Variants in MELK observed in about 807,000 individuals in gnomAD.
MELK encodes the protein maternal embryonic leucine zipper kinase, also known as pEg3 kinase.
Under a neutral mutation model 85.0 loss-of-function variants are expected in MELK, and 81 were observed. The ratio of observed to expected loss-of-function variants is 0.95; its 90% CI spans 0.80 to 1.15. The LOEUF is 1.15. MELK is among the 50% of genes most tolerant of loss of function. MELK has a pLI of 0.00. For missense variants in MELK, 754 were observed against 777.5 expected (o/e 0.97, Z 0.36); for synonymous variants, 252 against 265.0 (o/e 0.95, Z 0.48).
At chr9:36,626,107 T>A (rs1267998136) in intron 8 of MELK, among the ~76,000 whole-genome samples, 2 of 152,090 alleles carry the variant, frequency 1.3e-5, no homozygotes, top group African/African-American at 4.8e-5. Context: ...GTCCCAGCAC[T>A]GACTGAGTGG....
chr9:36,615,197 G>T (rs1826508763), intron 8 of MELK, among the ~76,000 whole-genome samples: 6 of 145,120 alleles, frequency 4.1e-5, no homozygotes, highest in African/African-American at 1.6e-4. Flanking sequence ...CGGGCGGGGG[G>T]CTGACCCCCC....
intron 10 of MELK, among the ~76,000 whole-genome samples, chr9:36,640,073 C>G (rs950690044): frequency 2.0e-5 from 3 of 152,268 alleles, no homozygotes; most frequent in South Asian, 2.1e-4. Context: ...TTTAACAGTA[C>G]CACTAGTATA....
At chr9:36,579,492 C>A (rs1488032494) in intron 1 of MELK, among the ~76,000 whole-genome samples, 1 of 152,234 alleles carries the variant, frequency 6.6e-6, no homozygotes, top group Non-Finnish European at 1.5e-5. Flanking sequence ...TTGTTGTCTA[C>A]TTATTTGCCT....
At chr9:36,672,133 G>A (rs1832945315) in intron 16 of MELK, among the ~76,000 whole-genome samples, 1 of 152,302 alleles carries the variant, frequency 6.6e-6, no homozygotes, top group South Asian at 2.1e-4. Context: ...TTTTAGAGGA[G>A]AATGTTCTGT....
chr9:36,661,539 A>G (rs1347966291), intron 13 of MELK, among the ~76,000 whole-genome samples: 2 of 152,248 alleles, frequency 1.3e-5, no homozygotes, highest in Admixed American at 1.3e-4. Context: ...TAAAAGAACT[A>G]TTATAAAATT....
At position 36,657,357 on chromosome 9, in the gene MELK, A is replaced by G; in HGVS notation, c.1170A>G (p.Thr390=). 6.2e-7 allele frequency: 1 copy of G among 1,605,408 alleles called. No individual in the cohort carries two copies. Among genetic ancestry groups the G allele is most frequent in the Non-Finnish European group, 8.5e-7 (1 of 1,177,618 alleles). Reference sequence around the variant, plus strand: ...CAACAGGTGCTGCTACTCCCCGAACATCACAGGTTCGTCATTCTTATTACT... The same window carrying G: ...CAACAGGTGCTGCTACTCCCCGAACGTCACAGGTTCGTCATTCTTATTACT... ...DLSTGAATPR[T]SQFTKYWTES... The change falls in exon 13 of 18, where the codon ACA becomes ACG. Residue 390 remains threonine (T), a synonymous_variant. Transcript: ENST00000298048.
At chr9:36,661,840 G>A (rs915224235) in intron 13 of MELK, among the ~76,000 whole-genome samples, 6 of 151,770 alleles carry the variant, frequency 4.0e-5, no homozygotes, top group African/African-American at 1.5e-4. Flanking sequence ...GGGAGGCTGA[G>A]GCAGGAGAAT....
intron 6 of MELK, among the ~76,000 whole-genome samples, chr9:36,597,787 T>C (rs1824460182): frequency 6.6e-6 from 1 of 152,248 alleles, no homozygotes; most frequent in Admixed American, 6.5e-5. Flanking sequence ...ATAACTGTTA[T>C]ATATTTCCTT....
intron 13 of MELK, among the ~76,000 whole-genome samples, chr9:36,659,202 G>T (rs1831554935): frequency 6.6e-6 from 1 of 151,862 alleles, no homozygotes; most frequent in Admixed American, 6.6e-5. Context: ...TTTTTGTAAA[G>T]ATGGGGTTTC....
intron 8 of MELK, among the ~76,000 whole-genome samples, chr9:36,627,041 A>G (rs1827998356): frequency 7.6e-6 from 1 of 132,068 alleles, no homozygotes; most frequent in South Asian, 2.5e-4. Context: ...GACAAGGACA[A>G]GCACAAGCGC....
At chr9:36,624,074 A>G (rs1827696670) in intron 8 of MELK, among the ~76,000 whole-genome samples, 1 of 148,630 alleles carries the variant, frequency 6.7e-6, no homozygotes, top group Admixed American at 6.7e-5. Flanking sequence ...AGGTATCGTT[A>G]TTATACTTCT....
intron 1 of MELK, among the ~76,000 whole-genome samples, chr9:36,580,596 G>A (rs1007637757): frequency 1.3e-5 from 2 of 151,878 alleles, no homozygotes; most frequent in African/African-American, 4.8e-5. Flanking sequence ...GGGATTACAG[G>A]TGTGAGCCAC....
intron 13 of MELK, among the ~76,000 whole-genome samples, chr9:36,661,861 C>T (rs948149758): frequency 5.3e-5 from 8 of 150,196 alleles, no homozygotes; most frequent in Admixed American, 1.3e-4. Flanking sequence ...GGCATGAACC[C>T]GGGAGGCGGA....
At chr9:36,598,035 T>C (rs1244988879) in intron 6 of MELK, among the ~76,000 whole-genome samples, 2 of 152,372 alleles carry the variant, frequency 1.3e-5, no homozygotes, top group Admixed American at 6.5e-5. Context: ...AACTGTTTCC[T>C]GCCCTGATCA....
chr9:36,640,347 C>G (rs983788234), intron 10 of MELK, among the ~76,000 whole-genome samples: 8 of 152,206 alleles, frequency 5.3e-5, no homozygotes, highest in Admixed American at 2.0e-4. Context: ...GGCCCACTTT[C>G]TGGTTCATAG....
At chr9:36,580,776 T>A (rs914062004) in intron 1 of MELK, among the ~76,000 whole-genome samples, 6 of 151,378 alleles carry the variant, frequency 4.0e-5, no homozygotes, top group Admixed American at 4.0e-4. Flanking sequence ...TCGCCCAGGC[T>A]AGAGTGCAAT....
At chr9:36,616,180 C>T (rs565711571) in intron 8 of MELK, among the ~76,000 whole-genome samples, 1 of 152,198 alleles carries the variant, frequency 6.6e-6, no homozygotes, top group South Asian at 2.1e-4. Context: ...TTTGTATATA[C>T]AGTAAAATTG....
At chr9:36,620,725 A>AT (rs1431855163) in intron 8 of MELK, among the ~76,000 whole-genome samples, 5 of 151,182 alleles carry the variant, frequency 3.3e-5, no homozygotes, top group Admixed American at 3.3e-4. Flanking sequence ...TAATTTTTGT[A>AT]TTTTTAGTAG....
chr9:36,583,568 A>G, intron 2 of MELK, 59 bp from the exon 3 acceptor site: 1 of 1,121,296 alleles, frequency 8.9e-7, no homozygotes, highest in Non-Finnish European at 1.3e-6. Flanking sequence ...TATTATATAT[A>G]AAAAGGTGTT....
Sources: allele counts gnomAD v4.1 joint callset (sites outside exome capture counted in the v4.1 genomes callset), GRCh38; gene constraint gnomAD v4.1.1; transcripts MANE v1.5; gene names NCBI Gene and HGNC (gene_info 2026-07-23, HGNC 2026-07-21).